Variants in ACOT12 observed in about 807,000 individuals in gnomAD.
ACOT12 encodes the protein acetyl-coenzyme A thioesterase.
A neutral mutation model predicts 67.7 loss-of-function variants in ACOT12; 51 were observed. The ratio of observed to expected loss-of-function variants is 0.75; its 90% confidence interval spans 0.60 to 0.95. ACOT12 has a LOEUF of 0.95. ACOT12 is among the 40% of genes least tolerant of loss of function. The probability of loss-of-function intolerance (pLI) is 0.00; values close to 1 mark genes in which losing one functional copy is unlikely to be tolerated. For missense variants in ACOT12, 734 were observed against 708.1 expected, an observed-to-expected ratio of 1.04 and a Z score of -0.41; for synonymous variants, 251 against 244.6, an observed-to-expected ratio of 1.03 and a Z score of -0.24.
intron 1 of ACOT12, among the ~76,000 whole-genome samples, chr5:81,392,238 T>C (rs1269289116): frequency 6.6e-6 from 1 of 152,196 alleles, no homozygotes; most frequent in Admixed American, 6.5e-5. Flanking sequence ...TAAAAAACTC[T>C]GAGAAAATCC....
chr5:81,382,123 A>T (rs571781925), intron 2 of ACOT12, among the ~76,000 whole-genome samples: 1 of 152,226 alleles, frequency 6.6e-6, no homozygotes, highest in Non-Finnish European at 1.5e-5. Flanking sequence ...ATAGACATAA[A>T]ATCAAAGAAA....
intron 7 of ACOT12, 27 bp downstream of exon 7, chr5:81,345,834 ACATTTGTGCAAGTTTAAATTTCTT>A: frequency 6.2e-7 from 1 of 1,606,832 alleles, no homozygotes; most frequent in Non-Finnish European, 8.5e-7. Context: ...ATTAAAAATT[ACATTTGTGCAAGTTTAAATTTCTT>A]CATAGCAGCC....
intron 1 of ACOT12, among the ~76,000 whole-genome samples, chr5:81,386,920 G>T (rs1377463186): frequency 6.6e-6 from 1 of 151,702 alleles, no homozygotes; most frequent in Non-Finnish European, 1.5e-5. Flanking sequence ...GCTCAAGGTG[G>T]ACTCAACTTA....
At chr5:81,379,169 T>C (rs995600177) in intron 2 of ACOT12, among the ~76,000 whole-genome samples, 2 of 152,166 alleles carry the variant, frequency 1.3e-5, no homozygotes, top group Non-Finnish European at 2.9e-5. Flanking sequence ...GATGAGTTCA[T>C]GTCCTTTGCA....
At chr5:81,346,768 T>A (rs1310053065) in intron 6 of ACOT12, among the ~76,000 whole-genome samples, 1 of 152,022 alleles carries the variant, frequency 6.6e-6, no homozygotes, top group Non-Finnish European at 1.5e-5. Flanking sequence ...TTAGAAAGGA[T>A]AACTACTGGT....
chr5:81,341,360 GT>G (rs1235005151), intron 11 of ACOT12, among the ~76,000 whole-genome samples: 4 of 152,316 alleles, frequency 2.6e-5, no homozygotes, highest in South Asian at 2.1e-4. Context: ...AGAAGTCAAA[GT>G]CAGAGTTGAA....
chr5:81,376,688 A>T (rs1231869310), intron 2 of ACOT12, among the ~76,000 whole-genome samples: 1 of 152,072 alleles, frequency 6.6e-6, no homozygotes, highest in African/African-American at 2.4e-5. Flanking sequence ...ATACAAACTA[A>T]TATCAGAGAA....
the ACOT12 span, among the ~76,000 whole-genome samples, chr5:81,310,104 A>G: frequency 1.5e-4 from 23 of 150,168 alleles, no homozygotes; most frequent in African/African-American, 5.2e-4. Flanking sequence ...TGGGTAGATA[A>G]CATGACTAGT....
At chr5:81,391,435 C>G (rs1011591622) in intron 1 of ACOT12, among the ~76,000 whole-genome samples, 5 of 152,170 alleles carry the variant, frequency 3.3e-5, no homozygotes, top group Non-Finnish European at 5.9e-5. Context: ...TGTTAACTTT[C>G]AAGTGTTATA....
chr5:81,345,963 A>C lies in ACOT12; in HGVS notation c.695T>G (p.Met232Arg), dbSNP rs369118490. The C allele has an allele frequency of 6.2e-7, 1 of 1,614,120 alleles. No homozygotes were observed. Among genetic ancestry groups the C allele is most frequent in the Non-Finnish European group, 8.5e-7 (1 of 1,179,968 alleles). The part of the protein sequence containing the change: ...WAHPFLKSVD[M>R]FKFRGPSTVG... ...TGTAGATGGTCCCCGGAACTTAAACATATCTACGGACTTCAGAAAGGGATG... is the reference window on the plus strand; with the variant it reads ...TGTAGATGGTCCCCGGAACTTAAACCTATCTACGGACTTCAGAAAGGGATG... The change falls in exon 7 of 15, where the codon ATG becomes AGG. Residue 232 changes from methionine (M) to arginine (R), a missense_variant. Coordinates refer to ENST00000307624, the MANE Select transcript of ACOT12 (RefSeq NM_130767.3).
the ACOT12 span, chr5:81,308,945 G>A: frequency 1.2e-6 from 2 of 1,612,340 alleles, no homozygotes; most frequent in Non-Finnish European, 1.7e-6. Flanking sequence ...GATTTTTACA[G>A]GCGAATTTCC....
chr5:81,367,357 CTA>C (rs1371771554), intron 3 of ACOT12, among the ~76,000 whole-genome samples: 2 of 152,026 alleles, frequency 1.3e-5, no homozygotes, highest in African/African-American at 4.8e-5. Flanking sequence ...TAAATAATAA[CTA>C]TGTATTGTAG....
intron 1 of ACOT12, among the ~76,000 whole-genome samples, chr5:81,392,998 C>T (rs191121106): frequency 6.6e-6 from 1 of 152,330 alleles, no homozygotes; most frequent in East Asian, 1.9e-4. Context: ...TTCTTCACTC[C>T]AAATAGAGTC....
chr5:81,332,605 C>T lies in ACOT12; in HGVS notation c.1263G>A (p.Val421=), dbSNP rs773013404. 6.2e-6 allele frequency: 10 copies of T among 1,613,788 alleles called. No homozygotes were observed. The African/African-American group carries it at 1.3e-4, about 22-fold the overall frequency. The part of the protein sequence containing the change: ...TKRPLWDPHF[V]SCEVIDWVSE... ...TCACCCAGTCTATGACTTCACAGGA[C>T]CTGTGTATATAGAACAGTGAAAAGC... The change falls in exon 13 of 15, where the codon GTG becomes GTA. Residue 421 remains valine, a splice_region_variant and synonymous_variant. Coordinates refer to ENST00000307624, the MANE Select transcript of ACOT12 (RefSeq NM_130767.3).
intron 10 of ACOT12, 96 bp downstream of exon 10, chr5:81,343,722 C>T: frequency 8.4e-7 from 1 of 1,194,376 alleles, no homozygotes; most frequent in Non-Finnish European, 1.2e-6. Flanking sequence ...TTCACATAGC[C>T]TGCGTAGGCA....
chr5:81,323,954 A>C, the ACOT12 span, among the ~76,000 whole-genome samples: 4 of 148,668 alleles, frequency 2.7e-5, no homozygotes, highest in African/African-American at 7.4e-5. Flanking sequence ...ATATATATAT[A>C]TTTTTTAGAC....
At chr5:81,347,001 T>G (rs1759401058) in intron 6 of ACOT12, among the ~76,000 whole-genome samples, 1 of 152,180 alleles carries the variant, frequency 6.6e-6, no homozygotes, top group Non-Finnish European at 1.5e-5. Context: ...TCTTTAAAAG[T>G]ATTCTAAATA....
intron 7 of ACOT12, 92 bp downstream of exon 7, chr5:81,345,793 A>T (rs1759361280): frequency 6.6e-7 from 1 of 1,518,638 alleles, no homozygotes; most frequent in African/African-American, 1.4e-5. Context: ...AATTTCACTA[A>T]AGTAGTTCCC....
chr5:81,350,742 T>A (rs573865937), intron 5 of ACOT12, among the ~76,000 whole-genome samples: 1 of 152,320 alleles, frequency 6.6e-6, no homozygotes, highest in African/African-American at 2.4e-5. Context: ...GAGGATGCAC[T>A]TGTGATTGAA....
Sources: gnomAD v4.1 joint callset for allele counts (sites outside exome capture counted in the v4.1 genomes callset) on GRCh38, gnomAD v4.1.1 for gene constraint, MANE v1.5 for transcripts, NCBI Gene and HGNC (gene_info 2026-07-23, HGNC 2026-07-21) for gene names.